PLCB1: variants seen among roughly 807,000 people sequenced by gnomAD.
The protein encoded by PLCB1 is phospholipase C beta 1.
Under a neutral mutation model 161.8 loss-of-function variants are expected in PLCB1, and 46 were observed. The observed-to-expected ratio is 0.28, with a 90% CI of 0.22 to 0.36. The LOEUF is 0.36. PLCB1 is among the 10% of genes least tolerant of loss of function. The probability of loss-of-function intolerance (pLI) is 1.00; values close to 1 mark genes in which losing one functional copy is unlikely to be tolerated. For synonymous variants in PLCB1, 517 were observed against 503.7 expected (o/e 1.03, Z -0.35); for missense variants, 1,016 against 1,472.5 (o/e 0.69, Z 5.07).
chr20:8,662,354 G>GTAATTATTATATAATTACGTATAATATA (rs1568551475), intron 9 of PLCB1, among the ~76,000 whole-genome samples: 1 of 89,612 alleles, frequency 1.1e-5, no homozygotes, highest in African/African-American at 6.2e-5. Context: ...TGTATAATAT[G>GTAATTATTATATAATTACGTATAATATA]TAATTATTTA....
intron 3 of PLCB1, among the ~76,000 whole-genome samples, chr20:8,505,128 G>C (rs1371253481): frequency 6.6e-6 from 1 of 152,180 alleles, no homozygotes; most frequent in Non-Finnish European, 1.5e-5. Flanking sequence ...ATATCCAAAA[G>C]TGCTGGGATT....
intron 31 of PLCB1, among the ~76,000 whole-genome samples, chr20:8,860,083 A>G (rs1167463696): frequency 6.6e-6 from 1 of 152,218 alleles, no homozygotes; most frequent in African/African-American, 2.4e-5. Flanking sequence ...ATCATTTACC[A>G]GCTGTGTTGC....
At chr20:8,315,429 G>A (rs541769491) in intron 2 of PLCB1, among the ~76,000 whole-genome samples, 1 of 152,280 alleles carries the variant, frequency 6.6e-6, no homozygotes, top group African/African-American at 2.4e-5. Context: ...GTTAACCCTA[G>A]TTAAGCTGAC....
At chr20:8,275,216 A>G (rs1568614026) in intron 2 of PLCB1, among the ~76,000 whole-genome samples, 1 of 150,542 alleles carries the variant, frequency 6.6e-6, no homozygotes, top group Admixed American at 6.6e-5. Context: ...ACTTTGTTAA[A>G]TGTCCAGTAC....
intron 3 of PLCB1, among the ~76,000 whole-genome samples, chr20:8,564,911 T>C (rs1333605620): frequency 1.3e-5 from 2 of 152,186 alleles, no homozygotes; most frequent in African/African-American, 4.8e-5. Flanking sequence ...AGTTCAACCA[T>C]TGTGGAAGAC....
chr20:8,683,890 T>C (rs1444196875), intron 9 of PLCB1, among the ~76,000 whole-genome samples: 3 of 145,850 alleles, frequency 2.1e-5, no homozygotes, highest in Non-Finnish European at 3.0e-5. Context: ...TGAAAACACC[T>C]TTTTTTTTTT....
intron 31 of PLCB1, among the ~76,000 whole-genome samples, chr20:8,795,413 A>T (rs1983967683): frequency 1.3e-5 from 2 of 152,360 alleles, no homozygotes; most frequent in South Asian, 4.1e-4. Context: ...GTTATAAACA[A>T]CAAGAGACAC....
At chr20:8,729,346 G>A (rs192710738) in intron 18 of PLCB1, 172 bp downstream of exon 18, 11 of 436,996 alleles carry the variant, frequency 2.5e-5, no homozygotes, top group East Asian at 3.6e-5. Context: ...TTTGAAAATC[G>A]AGACATGTTC....
At chr20:8,692,219 T>G (rs1990495465) in intron 10 of PLCB1, among the ~76,000 whole-genome samples, 1 of 152,196 alleles carries the variant, frequency 6.6e-6, no homozygotes, top group Non-Finnish European at 1.5e-5. Context: ...TATAAGTTCT[T>G]GGCTGAAGAA....
At chr20:8,481,453 A>T (rs919172126) in intron 3 of PLCB1, among the ~76,000 whole-genome samples, 1 of 152,184 alleles carries the variant, frequency 6.6e-6, no homozygotes, top group African/African-American at 2.4e-5. Flanking sequence ...ATGATTATTA[A>T]GTTGGCTACT....
chr20:8,516,664 CATATATAT>C (rs57237224), intron 3 of PLCB1, among the ~76,000 whole-genome samples: 7,109 of 71,840 alleles, frequency 0.099, 219 homozygotes, highest in Non-Finnish European at 0.12. Context: ...AATATAACAT[CATATATAT>C]ATATATATAT....
chr20:8,526,675 G>A lies in PLCB1; in HGVS notation c.247-101619G>A, dbSNP rs2423362. Among the ~76,000 whole-genome samples the A allele has an allele frequency of 6.4e-3, 976 of 152,162 alleles. 5 individuals are homozygous for A. The highest frequency in any genetic ancestry group is 0.011 in the Non-Finnish European group (719 of 67,990). On this transcript the variant is annotated intron_variant, in intron 3 of 31. Coordinates refer to ENST00000338037, the MANE Select transcript of PLCB1 (RefSeq NM_015192.4). ...CCATGCTGTTTTTCAGTCATTGGCT[G>A]CTCTGTTCATTACATTCTATACAAT...
In PLCB1 at chr20:8,539,769, T is replaced by TTTCC. The variant is rs562000616; in HGVS notation, c.247-88506_247-88503dup. 1.6e-4 allele frequency among the ~76,000 whole-genome samples: 24 copies of TTTCC among 145,622 alleles called. No homozygotes were observed. In the East Asian group the frequency reaches 2.1e-3, roughly 13 times the overall value. Reference sequence around the variant, plus strand: ...TTTTTCTGTCCTCTTTCCTTCCTTCTTTCCTTCCTTCCTTCCTTCCTTTCT... The same window carrying TTTCC: ...TTTTTCTGTCCTCTTTCCTTCCTTCTTTCCTTCCTTCCTTCCTTCCTTCCTTTCT... On this transcript the variant is annotated intron_variant, in intron 3 of 31. Transcript: ENST00000338037.
chr20:8,408,026 T>C (rs545965667), intron 3 of PLCB1, among the ~76,000 whole-genome samples: 1 of 152,292 alleles, frequency 6.6e-6, no homozygotes, highest in Admixed American at 6.5e-5. Context: ...AATGGGATCC[T>C]GGAACAAGGA....
At chr20:8,690,437 G>A (rs1313663313) in intron 10 of PLCB1, among the ~76,000 whole-genome samples, 1 of 152,150 alleles carries the variant, frequency 6.6e-6, no homozygotes, top group Non-Finnish European at 1.5e-5. Flanking sequence ...AGGGAATGGG[G>A]AATGCTGATT....
intron 2 of PLCB1, among the ~76,000 whole-genome samples, chr20:8,207,688 C>T (rs1309169190): frequency 1.3e-5 from 2 of 152,096 alleles, no homozygotes; most frequent in African/African-American, 4.8e-5. Context: ...TCAAGGAATT[C>T]TCCCACCTCA....
intron 3 of PLCB1, among the ~76,000 whole-genome samples, chr20:8,552,833 G>A (rs140191020): frequency 1.3e-5 from 2 of 152,148 alleles, no homozygotes; most frequent in East Asian, 3.9e-4. Context: ...CTGGCCCTGT[G>A]CTCCCAGCTG....
intron 3 of PLCB1, among the ~76,000 whole-genome samples, chr20:8,542,677 A>G (rs1985380391): frequency 6.6e-6 from 1 of 152,128 alleles, no homozygotes; most frequent in Admixed American, 6.6e-5. Flanking sequence ...TGGGAAAATT[A>G]TTTTTCAGAC....
chr20:8,531,445 G>A (rs1984812251), intron 3 of PLCB1, among the ~76,000 whole-genome samples: 1 of 152,040 alleles, frequency 6.6e-6, no homozygotes, highest in East Asian at 1.9e-4. Context: ...GAATGTGATA[G>A]TAATATATAT....
Sources: allele counts gnomAD v4.1 joint callset (sites outside exome capture counted in the v4.1 genomes callset), GRCh38; gene constraint gnomAD v4.1.1; transcripts MANE v1.5; gene names NCBI Gene and HGNC (gene_info 2026-07-23, HGNC 2026-07-21).